The following RABGEF1 variants were observed in gnomAD, a reference collection of about 807,000 sequenced individuals.
RABGEF1 encodes the protein RAB guanine nucleotide exchange factor 1, also known as rab5 GDP/GTP exchange factor.
RABGEF1 carries 26 observed loss-of-function variants against 57.3 expected under a neutral mutation model. That is an observed-to-expected ratio of 0.45 (90% confidence interval 0.33 to 0.63). The LOEUF (loss-of-function observed/expected upper bound fraction) is 0.63, where lower values mean the gene tolerates loss of function less well. Among genes scored for constraint, RABGEF1 ranks in the 20% least tolerant of loss-of-function variants. The pLI is 0.02. For missense variants in RABGEF1, 464 were observed against 607.6 expected (o/e 0.76, Z 2.48); for synonymous variants, 185 against 210.7 (o/e 0.88, Z 1.06).
At position 66,803,027 on chromosome 7, in the gene RABGEF1, A is replaced by C. The variant is rs569223009; in HGVS notation, c.821-2113A>C. ...AAAATGGCTTTAAAAAATCTTACCC[A>C]ATCTTACCCAATTCTTATTTAGAAT... On this transcript the variant is annotated intron_variant, in intron 7 of 8. Transcript: ENST00000284957. Among the ~76,000 whole-genome samples, 20 of 152,356 alleles carry C rather than the reference A, an allele frequency of 1.3e-4. No individual in the cohort carries two copies. In the South Asian group the frequency reaches 4.1e-3, roughly 32 times the overall value.
chr7:66,704,328 T>C (rs1289244071), intron 1 of RABGEF1, among the ~76,000 whole-genome samples: 1 of 152,216 alleles, frequency 6.6e-6, no homozygotes, highest in African/African-American at 2.4e-5. Flanking sequence ...TCCAGAAAAC[T>C]TGAATCTGAC....
At chr7:66,720,521 A>T (rs963128402) in intron 2 of RABGEF1, among the ~76,000 whole-genome samples, 57 of 152,012 alleles carry the variant, frequency 3.7e-4, no homozygotes, top group African/African-American at 1.4e-3. Context: ...AAAAAAAAAA[A>T]ATCAGCAAAC....
chr7:66,762,287 T>C (rs1804614456), intron 1 of RABGEF1, among the ~76,000 whole-genome samples: 1 of 152,040 alleles, frequency 6.6e-6, no homozygotes, highest in African/African-American at 2.4e-5. Context: ...ATAAAAAATA[T>C]TTATTAGAAA....
At position 66,810,755 on chromosome 7, in the gene RABGEF1, A is replaced by T. The variant is rs1789339593; in HGVS notation, c.*1471A>T. 6.6e-6 allele frequency: 1 copy of T among 152,264 alleles called. No homozygotes were observed. The highest frequency in any genetic ancestry group is 1.5e-5 in the Non-Finnish European group (1 of 68,050). The allele number at this position is 152,264 out of a possible 1,614,324, so 9.4% of individuals were successfully genotyped here. A position where few individuals can be genotyped will look rare whatever the true frequency, so the allele number is the denominator to read the frequency against. On this transcript the variant is annotated 3_prime_UTR_variant, in exon 9 of 9. Transcript: ENST00000284957. Reference sequence around the variant, plus strand: ...CCGTTCTAGAACAACGTCACTTCACACAGGCAGCTGAGAAAGGTTCTCTTG... The same window carrying T: ...CCGTTCTAGAACAACGTCACTTCACTCAGGCAGCTGAGAAAGGTTCTCTTG...
At chr7:66,705,698 T>C (rs1178645443) in intron 1 of RABGEF1, among the ~76,000 whole-genome samples, 1 of 151,384 alleles carries the variant, frequency 6.6e-6, no homozygotes, top group South Asian at 2.1e-4. Flanking sequence ...TACAAGTGTT[T>C]TTTTTTTTGT....
At chr7:66,707,890 T>C (rs1371845440) in intron 1 of RABGEF1, among the ~76,000 whole-genome samples, 2 of 152,246 alleles carry the variant, frequency 1.3e-5, no homozygotes, top group Non-Finnish European at 2.9e-5. Flanking sequence ...ACATTTTTTT[T>C]GTCTTAAAGC....
chr7:66,790,621 T>C (rs1400705539), intron 4 of RABGEF1, among the ~76,000 whole-genome samples: 1 of 152,240 alleles, frequency 6.6e-6, no homozygotes, highest in African/African-American at 2.4e-5. Flanking sequence ...GATTTTCTTT[T>C]CTTTAAATCA....
upstream of RABGEF1, among the ~76,000 whole-genome samples, chr7:66,678,770 A>G (rs771056989): frequency 6.6e-6 from 1 of 152,132 alleles, no homozygotes; most frequent in Non-Finnish European, 1.5e-5. Flanking sequence ...AAACTCAGAC[A>G]TTGTAATAAC....
At chr7:66,742,447 C>T (rs113478338) in intron 1 of RABGEF1, among the ~76,000 whole-genome samples, 11 of 151,988 alleles carry the variant, frequency 7.2e-5, no homozygotes, top group Admixed American at 4.6e-4. Flanking sequence ...GAGGAAGGAG[C>T]CGGGCATTTA....
intron 1 of RABGEF1, among the ~76,000 whole-genome samples, chr7:66,754,216 A>T (rs921077470): frequency 1.3e-5 from 2 of 148,694 alleles, no homozygotes; most frequent in Non-Finnish European, 3.0e-5. Flanking sequence ...GTTAGCCAGG[A>T]CAGTCTCGAT....
intron 7 of RABGEF1, among the ~76,000 whole-genome samples, chr7:66,801,911 G>T (rs74895617): frequency 0.16 from 23,967 of 152,002 alleles, 2,214 homozygotes; most frequent in East Asian, 0.28. Flanking sequence ...TAGTTAGTTA[G>T]TTAGTTAGTT....
At chr7:66,800,118 C>A (rs1786941521) in intron 7 of RABGEF1, among the ~76,000 whole-genome samples, 1 of 152,180 alleles carries the variant, frequency 6.6e-6, no homozygotes, top group Non-Finnish European at 1.5e-5. Flanking sequence ...TTCATGTAGA[C>A]ATTGTTAATG....
At chr7:66,786,696 G>A (rs554190047) in intron 4 of RABGEF1, among the ~76,000 whole-genome samples, 12 of 152,080 alleles carry the variant, frequency 7.9e-5, no homozygotes, top group African/African-American at 2.2e-4. Flanking sequence ...GAGCCACCGC[G>A]CCCAGTGCTA....
chr7:66,755,266 C>T (rs1468898468), intron 1 of RABGEF1, among the ~76,000 whole-genome samples: 1 of 151,430 alleles, frequency 6.6e-6, no homozygotes, highest in Non-Finnish European at 1.5e-5. Flanking sequence ...TGCACTCCAG[C>T]CTGGGCAACA....
upstream of RABGEF1, among the ~76,000 whole-genome samples, chr7:66,679,954 A>T (rs530749522): frequency 3.2e-4 from 48 of 152,286 alleles, no homozygotes; most frequent in South Asian, 9.7e-3. Context: ...AGGCAAAAGG[A>T]TCACTTTAGC....
intron 1 of RABGEF1, among the ~76,000 whole-genome samples, chr7:66,762,217 C>T (rs148242527): frequency 3.9e-4 from 60 of 152,296 alleles, no homozygotes; most frequent in African/African-American, 1.4e-3. Flanking sequence ...AATAAGGTCT[C>T]TGTCCTCAGC....
chr7:66,691,538 G>A (rs1431994478), intron 1 of RABGEF1, among the ~76,000 whole-genome samples: 4 of 152,076 alleles, frequency 2.6e-5, no homozygotes, highest in South Asian at 4.1e-4. Context: ...GACTTACAAT[G>A]GTTTGACTTG....
At chr7:66,754,371 C>CTT (rs113278671) in intron 1 of RABGEF1, among the ~76,000 whole-genome samples, 1 of 142,868 alleles carries the variant, frequency 7.0e-6, no homozygotes. Context: ...TTTCTTTCAG[C>CTT]TTTTTTTTTT....
At chr7:66,762,993 A>ATTTATTTTTTATT (rs1804817488) in intron 1 of RABGEF1, among the ~76,000 whole-genome samples, 1 of 152,166 alleles carries the variant, frequency 6.6e-6, no homozygotes, top group Non-Finnish European at 1.5e-5. Flanking sequence ...TAAAACACTC[A>ATTTATTTTTTATT]TTTATTTTTT....
Sources: gnomAD v4.1 joint callset for allele counts (sites outside exome capture counted in the v4.1 genomes callset) on GRCh38, gnomAD v4.1.1 for gene constraint, MANE v1.5 for transcripts, NCBI Gene and HGNC (gene_info 2026-07-23, HGNC 2026-07-21) for gene names.